RAB17: variants seen among roughly 807,000 people sequenced by gnomAD.
RAB17 encodes RAB17, member RAS oncogene family, also known as ras-related protein Rab-17.
Under a neutral mutation model 19.3 loss-of-function variants are expected in RAB17, and 15 were observed. That is an observed-to-expected ratio of 0.78 (90% CI 0.52 to 1.20). RAB17 has a LOEUF of 1.20. Among genes scored for constraint, RAB17 ranks in the 50% most tolerant of loss-of-function variants. The pLI, the probability that RAB17 is intolerant of heterozygous loss-of-function variation, is 0.00. For synonymous variants in RAB17, 110 were observed against 112.8 expected, an observed-to-expected ratio of 0.97 and a Z score of 0.16; for missense variants, 262 against 269.3, an observed-to-expected ratio of 0.97 and a Z score of 0.19.
In RAB17 at chr2:237,574,637, A is replaced by C; in HGVS notation, c.*382T>G. 6.7e-7 allele frequency: 1 copy of C among 1,498,416 alleles called. No individual in the cohort carries two copies. The highest frequency in any genetic ancestry group is 1.3e-5 in the South Asian group (1 of 75,584). 92.8% of individuals were successfully genotyped at this position (1,498,416 alleles called of 1,614,324 possible). ...AGCAGGTGGGCCCAGGCTCCAGGCC[A>C]GTGCCCCCATCAAGATCAGACGTAA... is the stretch of plus-strand genomic sequence containing the variant. On this transcript the variant is annotated 3_prime_UTR_variant, in exon 6 of 6. Transcript: ENST00000264601.
At chr2:237,587,217 G>C (rs150317011) in intron 1 of RAB17, among the ~76,000 whole-genome samples, 7 of 152,112 alleles carry the variant, frequency 4.6e-5, no homozygotes, top group Non-Finnish European at 8.8e-5. Flanking sequence ...CTATTACTTC[G>C]ACCCACTATT....
chr2:237,587,835 A>G (rs2081361650), intron 1 of RAB17, among the ~76,000 whole-genome samples: 1 of 135,756 alleles, frequency 7.4e-6, no homozygotes, highest in Admixed American at 7.0e-5. Flanking sequence ...TGTTTCTTAA[A>G]AAAAAAAAAA....
In RAB17 at chr2:237,574,471, T is replaced by G; in HGVS notation, c.*548A>C. 6.4e-7 allele frequency: 1 copy of G among 1,550,754 alleles called. No homozygotes were observed. Among genetic ancestry groups the G allele is most frequent in the Non-Finnish European group, 8.7e-7 (1 of 1,146,994 alleles). ...CAGCCGGGAGACCATGGAAGGGAAC[T>G]GGCGCCACTGCCCCCAGCTGCCCTT... On this transcript the variant is annotated 3_prime_UTR_variant, in exon 6 of 6. Transcript: ENST00000264601.
chr2:237,586,386 G>A (rs1282754264), intron 1 of RAB17, among the ~76,000 whole-genome samples: 1 of 152,140 alleles, frequency 6.6e-6, no homozygotes, highest in Non-Finnish European at 1.5e-5. Context: ...AACAAAAGGA[G>A]CTTTGCTTGG....
intron 4 of RAB17, among the ~76,000 whole-genome samples, chr2:237,576,137 C>T (rs2081260913): frequency 6.6e-6 from 1 of 151,984 alleles, no homozygotes; most frequent in African/African-American, 2.4e-5. Flanking sequence ...TCCTGACTGT[C>T]CAGCCAGACA....
intron 1 of RAB17, among the ~76,000 whole-genome samples, chr2:237,588,252 T>G (rs116630915): frequency 0.26 from 39,852 of 152,036 alleles, 6,891 homozygotes; most frequent in African/African-American, 0.5. Context: ...TCCACAAGCC[T>G]GCGTGTTCTC....
In RAB17 at chr2:237,574,840, G is replaced by A; in HGVS notation, c.*179C>T. On this transcript the variant is annotated 3_prime_UTR_variant, in exon 6 of 6. Transcript: ENST00000264601. ...CTTTCCTGGGAGCCATGTGACGCCA[G>A]ATCTTCCTCTGGCAGTTCCCACTGG... 1 of 820,114 alleles carries A rather than the reference G, an allele frequency of 1.2e-6. No individual in the cohort carries two copies. Among genetic ancestry groups the A allele is most frequent in the Non-Finnish European group, 1.8e-6 (1 of 552,188 alleles). 50.8% of individuals were successfully genotyped at this position (820,114 alleles called of 1,614,324 possible). A position where few individuals can be genotyped will look rare whatever the true frequency, so the allele number is the denominator to read the frequency against.
At chr2:237,580,266 C>T (rs185039023) in intron 2 of RAB17, among the ~76,000 whole-genome samples, 22 of 152,338 alleles carry the variant, frequency 1.4e-4, no homozygotes, top group African/African-American at 4.8e-4. Context: ...GACTTGTTGT[C>T]TTAAAACGTG....
intron 1 of RAB17, among the ~76,000 whole-genome samples, chr2:237,586,503 T>TC (rs2081351536): frequency 1.4e-5 from 2 of 143,436 alleles, no homozygotes; most frequent in African/African-American, 5.9e-5. Flanking sequence ...TACAAATCTA[T>TC]TACTTGTCCC....
intron 1 of RAB17, among the ~76,000 whole-genome samples, 182 bp downstream of exon 1, chr2:237,590,285 C>G (rs895025917): frequency 1.2e-4 from 18 of 152,110 alleles, no homozygotes; most frequent in African/African-American, 4.1e-4. Flanking sequence ...GTCTCCGCCC[C>G]AGCTTTGTCC....
rs200357322 is a variant in RAB17 at position 237,575,096 on chromosome 2, C to G, written c.562G>C (p.Gly188Arg). The change falls in exon 6 of 6, where the codon GGC (glycine) becomes CGC (arginine). Residue 188 changes from glycine to arginine, a missense_variant. Physicochemically the swap from Gly to Arg is moderately radical, Grantham distance 125. Transcript: ENST00000264601. ...GCTGCATCCCCCCGTAGAGCCTGGC[C>G]CTCCTCGTCGCTTCTCTGCAGTAGC... is the stretch of plus-strand genomic sequence containing the variant. ...QELLQRSDEE[G>R]QALRGDAAVA... 1 of 1,613,610 alleles carries G rather than the reference C, an allele frequency of 6.2e-7. No homozygotes were observed. The highest frequency in any genetic ancestry group is 2.2e-5 in the East Asian group (1 of 44,874).
chr2:237,587,856 A>G (rs2081362540), intron 1 of RAB17, among the ~76,000 whole-genome samples: 1 of 150,684 alleles, frequency 6.6e-6, no homozygotes, highest in Non-Finnish European at 1.5e-5. Flanking sequence ...AGAAAAGAAA[A>G]AGAAAGAAAA....
chr2:237,585,489 G>T (rs935982443), intron 2 of RAB17: 1 of 67,490 alleles, frequency 1.5e-5, no homozygotes, highest in Non-Finnish European at 3.8e-5. Context: ...CTCCCTCCCC[G>T]CCCACCCCCA....
chr2:237,582,270 T>G (rs2081314867), intron 2 of RAB17, among the ~76,000 whole-genome samples: 1 of 152,204 alleles, frequency 6.6e-6, no homozygotes, highest in Non-Finnish European at 1.5e-5. Flanking sequence ...CATGTCCTGC[T>G]GTGGGCCCCA....
intron 1 of RAB17, among the ~76,000 whole-genome samples, chr2:237,588,549 T>TGGTGGAA (rs1457579702): frequency 6.6e-6 from 1 of 151,982 alleles, no homozygotes; most frequent in Non-Finnish European, 1.5e-5. Flanking sequence ...TTCCACCCTT[T>TGGTGGAA]GGTGGAAGGG....
Position 237,586,171 on chromosome 2 carries a change from C to G in RAB17, c.-3-14G>C, listed in dbSNP as rs372259528. 2.5e-6 allele frequency: 4 copies of G among 1,572,554 alleles called. No individual in the cohort carries two copies. The highest frequency in any genetic ancestry group is 3.4e-6 in the Non-Finnish European group (4 of 1,162,448). On this transcript the variant is annotated splice_polypyrimidine_tract_variant and intron_variant, in intron 1 of 5. Coordinates refer to ENST00000264601, the MANE Select transcript of RAB17 (RefSeq NM_022449.4). ...CTGTGCCATGCCCTGCAAAGAATCA[C>G]AACCGTCTGAAGCAAGTGGAACATC...
intron 2 of RAB17, among the ~76,000 whole-genome samples, chr2:237,581,553 C>G (rs1437591381): frequency 6.6e-6 from 1 of 152,136 alleles, no homozygotes; most frequent in Non-Finnish European, 1.5e-5. Context: ...CTGCGCCCAG[C>G]CTCTCTACTA....
At chr2:237,586,202 C>T (rs1288295385) in intron 1 of RAB17, 45 bp from the exon 2 acceptor site, 1 of 1,534,504 alleles carries the variant, frequency 6.5e-7, no homozygotes, top group Non-Finnish European at 8.8e-7. Context: ...ACATCGGAGC[C>T]ACATCATCTC....
chr2:237,583,926 C>G (rs990715632), intron 2 of RAB17, among the ~76,000 whole-genome samples: 1 of 151,278 alleles, frequency 6.6e-6, no homozygotes, highest in African/African-American at 2.4e-5. Flanking sequence ...GGCCTGCCCC[C>G]CAAGCAAAGA....
Sources: gnomAD v4.1 joint callset for allele counts (sites outside exome capture counted in the v4.1 genomes callset) on GRCh38, gnomAD v4.1.1 for gene constraint, MANE v1.5 for transcripts, NCBI Gene and HGNC (gene_info 2026-07-23, HGNC 2026-07-21) for gene names.